CAVIN2: variants seen among roughly 807,000 people sequenced by gnomAD.
The protein encoded by CAVIN2 is caveolae-associated protein 2.
CAVIN2 carries 13 observed loss-of-function variants against 11.7 expected under a neutral mutation model. The ratio of observed to expected loss-of-function variants is 1.11; its 90% CI spans 0.72 to 1.77. CAVIN2 has a LOEUF of 1.77. Ranked by LOEUF, CAVIN2 falls within the 40% of genes most tolerant of loss-of-function variation. The pLI is 0.00. For synonymous variants in CAVIN2, 237 were observed against 223.2 expected, an observed-to-expected ratio of 1.06 and a Z score of -0.55; for missense variants, 549 against 542.9, an observed-to-expected ratio of 1.01 and a Z score of -0.11.
chr2:191,836,792 T>C, intron 1 of CAVIN2, 75 bp from the exon 2 acceptor site: 1 of 1,371,216 alleles, frequency 7.3e-7, no homozygotes, highest in Non-Finnish European at 9.9e-7. Flanking sequence ...GTAATACGTG[T>C]GTCTGTTTTG....
At chr2:191,843,625 A>G (rs1423238243) in intron 1 of CAVIN2, among the ~76,000 whole-genome samples, 5 of 152,176 alleles carry the variant, frequency 3.3e-5, no homozygotes, top group Non-Finnish European at 2.9e-5. Context: ...GTTGATTTCA[A>G]CATGGCGGTA....
intron 1 of CAVIN2, 72 bp from the exon 2 acceptor site, chr2:191,836,789 G>A: frequency 1.4e-6 from 2 of 1,388,230 alleles, no homozygotes; most frequent in Non-Finnish European, 1.9e-6. Context: ...GCTGTAATAC[G>A]TGTGTCTGTT....
At chr2:191,838,393 C>T (rs1201904129) in intron 1 of CAVIN2, among the ~76,000 whole-genome samples, 1 of 152,168 alleles carries the variant, frequency 6.6e-6, no homozygotes, top group African/African-American at 2.4e-5. Context: ...CCCTTATACA[C>T]ACTATACAGA....
chr2:191,844,080 T>C (rs979555841), intron 1 of CAVIN2, among the ~76,000 whole-genome samples: 3 of 152,210 alleles, frequency 2.0e-5, no homozygotes, highest in Non-Finnish European at 2.9e-5. Context: ...GTGCTTGATT[T>C]TTTTTGCTCT....
chr2:191,846,297 C>A, intron 1 of CAVIN2, 146 bp downstream of exon 1: 1 of 1,023,950 alleles, frequency 9.8e-7, no homozygotes, highest in Non-Finnish European at 1.4e-6. Flanking sequence ...ATTTGCTTTC[C>A]GCAGGCAGAC....
Position 191,847,070 on chromosome 2 carries a change from A to T in CAVIN2, c.-145T>A. On this transcript the variant is annotated 5_prime_UTR_variant, in exon 1 of 2. It adds an upstream start codon to the 5' untranslated region. Coordinates refer to ENST00000304141, the MANE Select transcript of CAVIN2 (RefSeq NM_004657.6). Reference sequence around the variant, plus strand: ...GGACTGGCAGAGGTTCAGACAGGCAACAACTGGCTACGCTGATCAGGGGAA... The same window carrying T: ...GGACTGGCAGAGGTTCAGACAGGCATCAACTGGCTACGCTGATCAGGGGAA... 1 of 993,166 alleles carries T rather than the reference A, an allele frequency of 1.0e-6. No homozygotes were observed. Among genetic ancestry groups the T allele is most frequent in the Non-Finnish European group, 1.5e-6 (1 of 689,486 alleles). 61.5% of individuals were successfully genotyped at this position (993,166 alleles called of 1,614,324 possible). A position where few individuals can be genotyped will look rare whatever the true frequency, so the allele number is the denominator to read the frequency against.
rs74894884 is a variant in CAVIN2 at position 191,834,776 on chromosome 2, C to G, written c.*1147G>C. 18 of 151,930 alleles carry G rather than the reference C, an allele frequency of 1.2e-4. 1 individual carries two copies. In the East Asian group the frequency reaches 3.5e-3, roughly 29 times the overall value. 9.4% of individuals were successfully genotyped at this position (151,930 alleles called of 1,614,324 possible). Reference sequence around the variant, plus strand: ...ATAAAATATAATCTGGAATGAAATTCCCATTATGTACAAAAAAAGAAAAAA... The same window carrying G: ...ATAAAATATAATCTGGAATGAAATTGCCATTATGTACAAAAAAAGAAAAAA... On this transcript the variant is annotated 3_prime_UTR_variant, in exon 2 of 2. Coordinates refer to ENST00000304141, the MANE Select transcript of CAVIN2 (RefSeq NM_004657.6).
chr2:191,835,271 A>ATTTTC lies in CAVIN2; in HGVS notation c.*647_*651dup, dbSNP rs1039582729. The ATTTTC allele has an allele frequency of 2.0e-5, 3 of 151,650 alleles. No homozygotes were observed. Among genetic ancestry groups the ATTTTC allele is most frequent in the Non-Finnish European group, 4.4e-5 (3 of 67,878 alleles). The allele number at this position is 151,650 out of a possible 1,614,324, so 9.4% of individuals were successfully genotyped here. On this transcript the variant is annotated 3_prime_UTR_variant, in exon 2 of 2. Transcript: ENST00000304141. ...GTTTCCTGTTTCTCTCATTTTCCAA[A>ATTTTC]TTTTCTTTCTTACTTTTTGAATAGT...
chr2:191,845,525 G>C (rs935835301), intron 1 of CAVIN2, among the ~76,000 whole-genome samples: 1 of 152,200 alleles, frequency 6.6e-6, no homozygotes, highest in African/African-American at 2.4e-5. Flanking sequence ...GTGCTGGCTG[G>C]ATTCCACTGG....
Position 191,836,714 on chromosome 2 carries a change from C to T in CAVIN2, c.487G>A (p.Glu163Lys). 1 of 1,610,894 alleles carries T rather than the reference C, an allele frequency of 6.2e-7. No individual in the cohort carries two copies. The highest frequency in any genetic ancestry group is 1.3e-5 in the African/African-American group (1 of 74,858). The change falls in exon 2 of 2, where the codon GAA (glutamate) becomes AAA (lysine). Residue 163 changes from glutamate to lysine, a missense_variant. Glu to Lys is a moderately conservative substitution (Grantham distance 56). Coordinates refer to ENST00000304141, the MANE Select transcript of CAVIN2 (RefSeq NM_004657.6). ...AACACGCTGGCAGGGATCTCATTTT[C>T]CTCCTGAAAAGACGGACAATGTAGG... ...NHFKVLIFQE[E>K]NEIPASVFVK... is the part of the protein sequence containing the mutation.
At chr2:191,846,047 C>T (rs558203637) in intron 1 of CAVIN2, among the ~76,000 whole-genome samples, 192 of 152,306 alleles carry the variant, frequency 1.3e-3, no homozygotes, top group African/African-American at 4.6e-3. Flanking sequence ...AGTTAATGAA[C>T]AGCCACTGAA....
intron 1 of CAVIN2, among the ~76,000 whole-genome samples, chr2:191,841,713 T>C (rs756216170): frequency 2.0e-5 from 3 of 152,168 alleles, no homozygotes; most frequent in African/African-American, 7.2e-5. Flanking sequence ...CAAATAGATA[T>C]AGATTACAAA....
Position 191,847,006 on chromosome 2 carries a change from A to T in CAVIN2, c.-81T>A, listed in dbSNP as rs1335277288. 45 of 1,510,550 alleles carry T rather than the reference A, an allele frequency of 3.0e-5. No individual in the cohort carries two copies. The highest frequency in any genetic ancestry group is 3.8e-5 in the Non-Finnish European group (43 of 1,137,194). 93.6% of individuals were successfully genotyped at this position (1,510,550 alleles called of 1,614,324 possible). On this transcript the variant is annotated 5_prime_UTR_variant, in exon 1 of 2. Coordinates refer to ENST00000304141, the MANE Select transcript of CAVIN2 (RefSeq NM_004657.6). ...GAAGTTGCGGTGGTGAGGGTGTAGG[A>T]TGAGGCCCGCTGGTTGGAGCTCAGG...
chr2:191,836,502 T>C lies in CAVIN2; in HGVS notation c.699A>G (p.Arg233=). 2 of 1,614,152 alleles carry C rather than the reference T, an allele frequency of 1.2e-6. No homozygotes were observed. Among genetic ancestry groups the C allele is most frequent in the Non-Finnish European group, 1.7e-6 (2 of 1,180,018 alleles). The change falls in exon 2 of 2, where the codon AGA becomes AGG. Residue 233 remains arginine (R), a synonymous_variant. Transcript: ENST00000304141. ...GGCTATCCACTTTCTTCAGGCTGGA[T>C]CTTTTTATTTTCTCTGCCCTACTTT... The part of the protein sequence containing the change: ...VEESRAEKIK[R]SSLKKVDSLK...
chr2:191,842,853 G>A (rs542396972), intron 1 of CAVIN2, among the ~76,000 whole-genome samples: 1 of 152,218 alleles, frequency 6.6e-6, no homozygotes, highest in Non-Finnish European at 1.5e-5. Flanking sequence ...GTCACGTTTT[G>A]AGTGGGACAA....
chr2:191,836,932 CAGG>C (rs1690031156), intron 1 of CAVIN2, among the ~76,000 whole-genome samples: 1 of 152,192 alleles, frequency 6.6e-6, no homozygotes, highest in Non-Finnish European at 1.5e-5. Context: ...TTGGGAATAT[CAGG>C]AGGACAACCG....
In CAVIN2 at chr2:191,836,662, A is replaced by C. The variant is rs1223207356; in HGVS notation, c.539T>G (p.Val180Gly). The C allele has an allele frequency of 6.2e-7, 1 of 1,613,708 alleles. No individual in the cohort carries two copies. Among genetic ancestry groups the C allele is most frequent in the Non-Finnish European group, 8.5e-7 (1 of 1,179,936 alleles). Residue 180 changes from valine to glycine, a missense_variant, in exon 2 of 2, where the codon GTG (valine) becomes GGG (glycine). Transcript: ENST00000304141. Reference protein sequence around the residue: ...VFVKQPVSGAVEGKEELPDEN... With the variant: ...VFVKQPVSGAGEGKEELPDEN... ...ATCCGGAAGCTCCTCCTTCCCTTCC[A>C]CGGCACCGGAAACGGGCTGTTTCAC...
intron 1 of CAVIN2, among the ~76,000 whole-genome samples, chr2:191,845,043 T>C (rs1046644595): frequency 3.3e-5 from 5 of 152,184 alleles, no homozygotes; most frequent in African/African-American, 1.2e-4. Context: ...AGATTTCTAA[T>C]ATCTCTTAGG....
chr2:191,839,252 G>C (rs1230613459), intron 1 of CAVIN2, among the ~76,000 whole-genome samples: 1 of 152,124 alleles, frequency 6.6e-6, no homozygotes. Context: ...GGTACATTTT[G>C]CATAGTATAA....
Sources: allele counts gnomAD v4.1 joint callset (sites outside exome capture counted in the v4.1 genomes callset), GRCh38; gene constraint gnomAD v4.1.1; transcripts MANE v1.5; gene names NCBI Gene and HGNC (gene_info 2026-07-23, HGNC 2026-07-21).